The following COPB1 variants were observed in gnomAD, a reference collection of about 807,000 sequenced individuals.
COPB1 encodes the protein coatomer subunit beta.
COPB1 carries 21 observed loss-of-function variants against 108.7 expected under a neutral mutation model. The observed-to-expected ratio is 0.19, with a 90% CI of 0.14 to 0.28. The LOEUF (loss-of-function observed/expected upper bound fraction) is 0.28, where lower values mean the gene tolerates loss of function less well. Ranked by LOEUF, COPB1 falls within the 10% of genes least tolerant of loss-of-function variation. COPB1 has a pLI of 1.00. For missense variants in COPB1, 919 were observed against 1,141.3 expected (o/e 0.81, Z 2.81); for synonymous variants, 378 against 386.8 (o/e 0.98, Z 0.27).
At chr11:14,495,132 C>T (rs1850989047) in intron 2 of COPB1, among the ~76,000 whole-genome samples, 1 of 152,180 alleles carries the variant, frequency 6.6e-6, no homozygotes, top group Non-Finnish European at 1.5e-5. Context: ...AAAAACTCTG[C>T]AACATAAAGT....
chr11:14,496,754 CA>C (rs1219272351), intron 2 of COPB1, among the ~76,000 whole-genome samples: 4 of 149,778 alleles, frequency 2.7e-5, no homozygotes, highest in East Asian at 3.9e-4. Context: ...CTATCCTAAG[CA>C]AAAAGAACAA....
chr11:14,463,419 G>C (rs1228968499), intron 18 of COPB1, among the ~76,000 whole-genome samples: 4 of 152,216 alleles, frequency 2.6e-5, no homozygotes, highest in African/African-American at 9.6e-5. Flanking sequence ...ATGGGTTCAA[G>C]CTATTCTCCT....
chr11:14,466,056 T>TAAATGA (rs1486189492), intron 17 of COPB1, among the ~76,000 whole-genome samples: 8 of 152,200 alleles, frequency 5.3e-5, no homozygotes, highest in Admixed American at 1.3e-4. Context: ...TTAAGCTTAT[T>TAAATGA]AAATGAATCC....
chr11:14,457,563 C>T lies in COPB1; in HGVS notation c.*261G>A. On this transcript the variant is annotated 3_prime_UTR_variant, in exon 22 of 22. Transcript: ENST00000439561. ...AAATAACAAAAATTTATGAATAGAT[C>T]TGTTTATTGTACTGTGAAAAGGGTC... 4.3e-6 allele frequency: 1 copy of T among 231,796 alleles called. No individual in the cohort carries two copies. Among genetic ancestry groups the T allele is most frequent in the Non-Finnish European group, 8.8e-6 (1 of 113,046 alleles). The allele number at this position is 231,796 out of a possible 1,614,324, so 14.4% of individuals were successfully genotyped here.
chr11:14,488,547 T>C lies in COPB1; in HGVS notation c.644A>G (p.Gln215Arg). 1.2e-6 allele frequency: 2 copies of C among 1,608,138 alleles called. No individual in the cohort carries two copies. The highest frequency in any genetic ancestry group is 1.7e-6 in the Non-Finnish European group (2 of 1,176,426). Residue 215 changes from glutamine to arginine, a missense_variant, in exon 6 of 22, where the codon CAA (glutamine) becomes CGA (arginine). Physicochemically the swap from Gln to Arg is conservative, Grantham distance 43 (BLOSUM62 1). Coordinates refer to ENST00000439561, the MANE Select transcript of COPB1 (RefSeq NM_001144061.2). ...CAGAATGTCTCCAAATGTTTGAACT[T>C]GATCAATGCAAGTACTTAAGTAATC... is the stretch of plus-strand genomic sequence containing the variant. Reference protein sequence around the residue: ...ALDYLSTCIDQVQTFGDILQL... With the variant: ...ALDYLSTCIDRVQTFGDILQL...
chr11:14,477,389 C>CAAAA lies in COPB1; in HGVS notation c.1359-378_1359-375dup, dbSNP rs61014253. On this transcript the variant is annotated intron_variant, in intron 11 of 21. Transcript: ENST00000439561. ...TGGGTGACAGAGCGAGACTCCGTCT[C>CAAAA]AAAAAAAAAAAAAAAACAAGGGCCA... Among the ~76,000 whole-genome samples, 30 of 73,250 alleles carry CAAAA rather than the reference C, an allele frequency of 4.1e-4. 1 individual carries two copies. The highest frequency in any genetic ancestry group is 1.4e-3 in the East Asian group (3 of 2,186). The allele number at this position is 73,250 out of a possible 152,430, so 48.1% of individuals were successfully genotyped here. A position where few individuals can be genotyped will look rare whatever the true frequency, so the allele number is the denominator to read the frequency against.
chr11:14,457,727 A>T lies in COPB1; in HGVS notation c.*97T>A. The T allele has an allele frequency of 1.3e-6, 1 of 777,632 alleles. No individual in the cohort carries two copies. The highest frequency in any genetic ancestry group is 2.2e-6 in the Non-Finnish European group (1 of 446,552). The allele number at this position is 777,632 out of a possible 1,614,324, so 48.2% of individuals were successfully genotyped here. On this transcript the variant is annotated 3_prime_UTR_variant, in exon 22 of 22. Coordinates refer to ENST00000439561, the MANE Select transcript of COPB1 (RefSeq NM_001144061.2). The stretch of plus-strand genomic sequence containing the variant: ...GCTGAAAAGTATTCAGCATGAACTC[A>T]GATTCTATATAAGCATGAAAGAGTA...
intron 8 of COPB1, among the ~76,000 whole-genome samples, chr11:14,482,663 T>C (rs1850685822): frequency 6.6e-6 from 1 of 152,022 alleles, no homozygotes; most frequent in Admixed American, 6.6e-5. Flanking sequence ...GCCTCCCAAG[T>C]AGTTGGGATT....
chr11:14,463,565 C>T (rs1850209581), intron 18 of COPB1, among the ~76,000 whole-genome samples: 1 of 152,142 alleles, frequency 6.6e-6, no homozygotes, highest in Admixed American at 6.6e-5. Context: ...GGTAATCTGC[C>T]CGCCTCGGTC....
At chr11:14,493,082 G>A (rs1341075672) in intron 4 of COPB1, among the ~76,000 whole-genome samples, 1 of 152,172 alleles carries the variant, frequency 6.6e-6, no homozygotes, top group African/African-American at 2.4e-5. Flanking sequence ...GGAGGTGGAG[G>A]TTGTTGTGAG....
Position 14,493,814 on chromosome 11 carries a change from G to A in COPB1, c.322-3C>T. The stretch of plus-strand genomic sequence containing the variant: ...AATTCATTAGGATGTTGAAGATCCT[G>A]ATATAAAAATTAAAATATGAAATGC... On this transcript the variant is annotated splice_polypyrimidine_tract_variant and splice_region_variant and intron_variant, in intron 3 of 21. Transcript: ENST00000439561. 6.5e-7 allele frequency: 1 copy of A among 1,546,930 alleles called. No homozygotes were observed. Among genetic ancestry groups the A allele is most frequent in the East Asian group, 2.3e-5 (1 of 42,770 alleles).
chr11:14,494,675 C>T (rs923887632), intron 2 of COPB1: 6 of 375,400 alleles, frequency 1.6e-5, no homozygotes, highest in Non-Finnish European at 2.9e-5. Flanking sequence ...TATGAAGGCG[C>T]TGGATTAGAT....
At position 14,480,743 on chromosome 11, in the gene COPB1, C is replaced by A. The variant is rs755083547; in HGVS notation, c.1212+16G>T. 4 of 1,590,970 alleles carry A rather than the reference C, an allele frequency of 2.5e-6. No individual in the cohort carries two copies. In the South Asian group the frequency reaches 3.5e-5, roughly 14 times the overall value. ...TTTTAGATAATTTCAAAATTAAAGT[C>A]ATCAGAATTACATACCACAGGAATA... is the stretch of plus-strand genomic sequence containing the variant. On this transcript the variant is annotated intron_variant, in intron 10 of 21. Transcript: ENST00000439561.
intron 17 of COPB1, among the ~76,000 whole-genome samples, chr11:14,465,636 C>G (rs1850266822): frequency 6.6e-6 from 1 of 152,098 alleles, no homozygotes; most frequent in Admixed American, 6.6e-5. Context: ...CTTGTAAATG[C>G]TTAAGAAACA....
At position 14,474,532 on chromosome 11, in the gene COPB1, C is replaced by T. The variant is rs370984154; in HGVS notation, c.1700G>A (p.Arg567His). The T allele has an allele frequency of 1.4e-5, 22 of 1,613,656 alleles. No homozygotes were observed. The highest frequency in any genetic ancestry group is 5.3e-5 in the African/African-American group (4 of 74,884). ...CTTCTCCTGAACCAAAGCTACATAG[C>T]GCAATGCAATCTTGGTCAGAGTTGT... is the stretch of plus-strand genomic sequence containing the variant. ...LATTLTKIAL[R>H]YVALVQEKKK... Residue 567 changes from arginine to histidine, a missense_variant, in exon 14 of 22, where the codon CGC (arginine) becomes CAC (histidine). Around this residue, in one of 5 missense-constraint regions of COPB1, gnomAD observed 705 missense variants for 817.8 expected, o/e 0.86. Transcript: ENST00000439561.
At chr11:14,480,102 C>T (rs1303170189) in intron 10 of COPB1, among the ~76,000 whole-genome samples, 2 of 152,186 alleles carry the variant, frequency 1.3e-5, no homozygotes, top group Non-Finnish European at 2.9e-5. Flanking sequence ...CCATGCCTGA[C>T]CCTTGTAATT....
rs748955941 is a variant in COPB1, at chr11:14,457,829, T to C, written c.2857A>G (p.Ile953Val). 8 of 1,585,852 alleles carry C rather than the reference T, an allele frequency of 5.0e-6. No homozygotes were observed. In the African/African-American group the frequency reaches 5.4e-5, roughly 11 times the overall value. ...CAAGGACTTTTTGTTTATTTTTATA[T>C]ACTAGTTTTCTTCTGTGACAAGTTG... Reference protein sequence around the residue: ...KINLSQKKTSI With the variant: ...KINLSQKKTSV The change falls in exon 22 of 22, where the codon ATA becomes GTA. Residue 953 changes from isoleucine to valine, a missense_variant. Physicochemically the swap from Ile to Val is conservative, Grantham distance 29. This residue lies in a region of COPB1 where 705 missense variants were observed against 817.8 expected (regional missense o/e 0.86). Transcript: ENST00000439561.
chr11:14,483,643 A>T (rs10466412), intron 7 of COPB1, among the ~76,000 whole-genome samples: 49,316 of 151,998 alleles, frequency 0.32, 9,107 homozygotes, highest in South Asian at 0.44. Flanking sequence ...AATAAGACAA[A>T]AAATGTGTAA....
At chr11:14,477,389 C>CAACAAAAAAAAAAAAAAAA (rs1850547108) in intron 11 of COPB1, among the ~76,000 whole-genome samples, 1 of 73,312 alleles carries the variant, frequency 1.4e-5, no homozygotes, top group Non-Finnish European at 2.5e-5. Context: ...GACTCCGTCT[C>CAACAAAAAAAAAAAAAAAA]AAAAAAAAAA....
Sources: allele counts gnomAD v4.1 joint callset (sites outside exome capture counted in the v4.1 genomes callset), GRCh38; gene constraint gnomAD v4.1.1; regional missense constraint gnomAD v4.1.1; transcripts MANE v1.5; gene names NCBI Gene and HGNC (gene_info 2026-07-23, HGNC 2026-07-21).